SYNE2: variants seen among roughly 807,000 people sequenced by gnomAD.
SYNE2 encodes spectrin repeat containing nuclear envelope protein 2, also known as nesprin-2.
Under a neutral mutation model 856.3 loss-of-function variants are expected in SYNE2, and 431 were observed. The observed-to-expected ratio is 0.50, with a 90% CI of 0.47 to 0.55. The LOEUF is 0.55. SYNE2 is among the 20% of genes least tolerant of loss of function. The pLI, the probability that SYNE2 is intolerant of heterozygous loss-of-function variation, is 0.00. For missense variants in SYNE2, 8,129 were observed against 8,023.2 expected, an observed-to-expected ratio of 1.01 and a Z score of -0.50; for synonymous variants, 2,923 against 2,872.3, an observed-to-expected ratio of 1.02 and a Z score of -0.56.
At chr14:63,861,562 G>A (rs545770615) in intron 1 of SYNE2, among the ~76,000 whole-genome samples, 1 of 151,966 alleles carries the variant, frequency 6.6e-6, no homozygotes, top group East Asian at 1.9e-4. Context: ...AGGCTGAGGC[G>A]AGAGGATCAC....
chr14:63,995,077 C>A lies in SYNE2; in HGVS notation c.2815C>A (p.Gln939Lys), dbSNP rs761549850. ...TCATGAACTGTCTTTATATGTTCAA[C>A]AACTAAAAATAGATATTGAAAAAGG... ...LHHELSLYVQ[Q>K]LKIDIEKGKL... Residue 939 changes from glutamine (Q) to lysine (K), a missense_variant, in exon 23 of 116, where the codon CAA becomes AAA. By Grantham distance (53) the Gln-to-Lys change is moderately conservative. This residue lies in a region of SYNE2 where 2,422 missense variants were observed against 2,357.4 expected (regional missense o/e 1.03). Coordinates refer to ENST00000555002, the MANE Select transcript of SYNE2 (RefSeq NM_182914.3). 14 of 1,566,700 alleles carry A rather than the reference C, an allele frequency of 8.9e-6. No homozygotes were observed. Among genetic ancestry groups the A allele is most frequent in the East Asian group, 6.8e-5 (3 of 44,216 alleles).
rs1255932473 is a variant in SYNE2 at position 64,219,521 on chromosome 14, G to A, written c.19860+111G>A. ...CGTGGCATAGGCGCAGCTTGCAGAT[G>A]GTGTATGTAGAGGTCACTCTCTTCC... is the stretch of plus-strand genomic sequence containing the variant. On this transcript the variant is annotated intron_variant, in intron 110 of 115. Transcript: ENST00000555002. The A allele has an allele frequency of 2.1e-5, 22 of 1,042,334 alleles. No homozygotes were observed. In the South Asian group the frequency reaches 2.2e-4, roughly 10 times the overall value. The allele number at this position is 1,042,334 out of a possible 1,614,324, so 64.6% of individuals were successfully genotyped here.
intron 2 of SYNE2, among the ~76,000 whole-genome samples, chr14:63,922,389 C>CT (rs570585962): frequency 2.9e-4 from 44 of 152,354 alleles, no homozygotes; most frequent in African/African-American, 1.0e-3. Context: ...TACCTGACTA[C>CT]TTTATTGGTA....
rs192424808 is a variant in SYNE2 at position 64,031,082 on chromosome 14, G to A, written c.6946G>A (p.Val2316Ile). ...GAAGATTTTAGCTTTAGCAAAATCC[G>A]TCAAGCAAAATACATCTTCAGTGGG... is the stretch of plus-strand genomic sequence containing the variant. Reference protein sequence around the residue: ...LKKILALAKSVKQNTSSVGQK... With the variant: ...LKKILALAKSIKQNTSSVGQK... Residue 2316 changes from valine to isoleucine, a missense_variant, in exon 45 of 116, where the codon GTC becomes ATC. Val to Ile is a conservative substitution (Grantham distance 29). Coordinates refer to ENST00000555002, the MANE Select transcript of SYNE2 (RefSeq NM_182914.3). The A allele has an allele frequency of 5.8e-5, 94 of 1,614,016 alleles. 1 individual carries two copies. The highest frequency in any genetic ancestry group is 5.5e-5 in the South Asian group (5 of 91,026).
At chr14:63,796,971 C>T (rs369958700) in intron 1 of SYNE2, among the ~76,000 whole-genome samples, 10 of 149,752 alleles carry the variant, frequency 6.7e-5, no homozygotes, top group African/African-American at 2.5e-4. Context: ...CCCAGCTACT[C>T]GGGAGGCTGA....
At chr14:63,811,466 T>C (rs1418367825) in intron 1 of SYNE2, among the ~76,000 whole-genome samples, 1 of 152,026 alleles carries the variant, frequency 6.6e-6, no homozygotes, top group Non-Finnish European at 1.5e-5. Flanking sequence ...TTTTGCCACA[T>C]TGCCCAGGCT....
At position 64,215,320 on chromosome 14, in the gene SYNE2, T is replaced by C; in HGVS notation, c.19368T>C (p.Leu6456=). The part of the protein sequence containing the change: ...VEIPENPEAY[L]KMTTKTLKAS... ...TCCCTGAAAATCCTGAGGCATATCT[T>C]AAAATGACCACAAAAACTTTGAAAG... The change falls in exon 107 of 116, where the codon CTT becomes CTC. Residue 6456 remains leucine (L), a synonymous_variant. Coordinates refer to ENST00000555002, the MANE Select transcript of SYNE2 (RefSeq NM_182914.3). The C allele has an allele frequency of 6.2e-7, 1 of 1,614,192 alleles. No homozygotes were observed. The highest frequency in any genetic ancestry group is 1.7e-5 in the Admixed American group (1 of 60,032).
In SYNE2 at chr14:64,003,019, TAAAG is replaced by T. The variant is rs766557279; in HGVS notation, c.4088_4091del (p.Lys1363ArgfsTer6). On this transcript the variant is annotated frameshift_variant, in exon 30 of 116. Coordinates refer to ENST00000555002, the MANE Select transcript of SYNE2 (RefSeq NM_182914.3). LOFTEE classifies it high-confidence loss of function. Reference sequence around the variant, plus strand: ...AAGAAAATACGTTGACAGTAAAAAATAAAGAGGGAGAAATTCATCTGATGAAAGA... The same window carrying T: ...AAGAAAATACGTTGACAGTAAAAAATAGGGAGAAATTCATCTGATGAAAGA... 6.2e-7 allele frequency: 1 copy of T among 1,613,886 alleles called. No individual in the cohort carries two copies. The highest frequency in any genetic ancestry group is 8.5e-7 in the Non-Finnish European group (1 of 1,179,976).
chr14:63,917,486 T>C (rs376108882), intron 2 of SYNE2, among the ~76,000 whole-genome samples: 11 of 152,246 alleles, frequency 7.2e-5, no homozygotes, highest in African/African-American at 2.4e-4. Flanking sequence ...TTTATTTTTT[T>C]TGAGACGGAA....
At chr14:64,214,966 C>T (rs2098658864) in intron 106 of SYNE2, among the ~76,000 whole-genome samples, 1 of 152,108 alleles carries the variant, frequency 6.6e-6, no homozygotes, top group Non-Finnish European at 1.5e-5. Context: ...TCTTGAACTC[C>T]TGGGCTCAAG....
intron 51 of SYNE2, among the ~76,000 whole-genome samples, chr14:64,068,890 T>C (rs4144018): frequency 2.0e-5 from 3 of 148,546 alleles, no homozygotes; most frequent in Middle Eastern, 6.4e-3. Flanking sequence ...AAAAAGAGAT[T>C]GTTCTCCCTC....
intron 45 of SYNE2, among the ~76,000 whole-genome samples, chr14:64,045,995 A>T (rs1049244650): frequency 3.3e-5 from 5 of 152,202 alleles, no homozygotes; most frequent in African/African-American, 1.2e-4. Context: ...GGGGATGTGG[A>T]CATGTTTTAT....
intron 7 of SYNE2, among the ~76,000 whole-genome samples, chr14:63,954,470 C>T (rs2096214523): frequency 6.6e-6 from 1 of 152,172 alleles, no homozygotes; most frequent in South Asian, 2.1e-4. Flanking sequence ...ATTTCTAACA[C>T]CTGCACCCCA....
At chr14:63,992,991 C>A (rs972928342) in intron 21 of SYNE2, among the ~76,000 whole-genome samples, 2 of 152,200 alleles carry the variant, frequency 1.3e-5, no homozygotes, top group Admixed American at 1.3e-4. Flanking sequence ...CACACACAGG[C>A]CCCGACCTGT....
At position 63,998,402 on chromosome 14, in the gene SYNE2, A is replaced by G. The variant is rs74606311; in HGVS notation, c.3353+74A>G. The G allele has an allele frequency of 2.4e-3, 2,494 of 1,035,168 alleles. 53 individuals carry two copies. In the East Asian group the frequency reaches 0.037, roughly 15 times the overall value. The allele number at this position is 1,035,168 out of a possible 1,614,324, so 64.1% of individuals were successfully genotyped here. A position where few individuals can be genotyped will look rare whatever the true frequency, so the allele number is the denominator to read the frequency against. On this transcript the variant is annotated intron_variant, in intron 26 of 115. Coordinates refer to ENST00000555002, the MANE Select transcript of SYNE2 (RefSeq NM_182914.3). ...CGATGCAAACATGTTAGACTTTTTA[A>G]AAGTTTTATTTTCATTTAGTCGTCA... is the stretch of plus-strand genomic sequence containing the variant.
At chr14:63,935,576 A>T (rs1422336934) in intron 2 of SYNE2, among the ~76,000 whole-genome samples, 2 of 152,246 alleles carry the variant, frequency 1.3e-5, no homozygotes, top group Non-Finnish European at 2.9e-5. Flanking sequence ...ACTATTAGAT[A>T]GAGATTAATA....
At chr14:63,940,538 C>A in intron 2 of SYNE2, 76 bp from the exon 3 acceptor site, 1 of 1,332,140 alleles carries the variant, frequency 7.5e-7, no homozygotes, top group Non-Finnish European at 1.1e-6. Context: ...GCGTGACAGA[C>A]CTTTGAAGCT....
intron 85 of SYNE2, among the ~76,000 whole-genome samples, chr14:64,155,565 T>A (rs1195185504): frequency 4.6e-5 from 7 of 151,208 alleles, no homozygotes; most frequent in Non-Finnish European, 1.0e-4. Context: ...TGAATTATAT[T>A]TCAATAAAGT....
chr14:64,135,221 G>T (rs2098076502), intron 78 of SYNE2, among the ~76,000 whole-genome samples: 1 of 152,172 alleles, frequency 6.6e-6, no homozygotes, highest in South Asian at 2.1e-4. Flanking sequence ...CAGAATCTGA[G>T]TTGTGCGGCT....
Sources: allele counts gnomAD v4.1 joint callset (sites outside exome capture counted in the v4.1 genomes callset), GRCh38; gene constraint gnomAD v4.1.1; regional missense constraint gnomAD v4.1.1; transcripts MANE v1.5; gene names NCBI Gene and HGNC (gene_info 2026-07-23, HGNC 2026-07-21).